The following SLC18B1 variants were observed in gnomAD, a reference collection of about 807,000 sequenced individuals.
The protein encoded by SLC18B1 is solute carrier family 18 member B1.
A neutral mutation model predicts 53.9 loss-of-function variants in SLC18B1; 62 were observed. That is an observed-to-expected ratio of 1.15 (90% CI 0.94 to 1.42). The LOEUF (loss-of-function observed/expected upper bound fraction) is 1.42. Among genes scored for constraint, SLC18B1 ranks in the 40% most tolerant of loss-of-function variants. SLC18B1 has a pLI of 0.00. For missense variants in SLC18B1, 598 were observed against 547.3 expected (o/e 1.09, Z -0.93); for synonymous variants, 217 against 200.9 (o/e 1.08, Z -0.68).
intron 8 of SLC18B1, among the ~76,000 whole-genome samples, 172 bp downstream of exon 8, chr6:132,776,156 G>A (rs2114664015): frequency 6.6e-6 from 1 of 152,214 alleles, no homozygotes; most frequent in Non-Finnish European, 1.5e-5. Flanking sequence ...AAGTGAACTG[G>A]CTTAGTGTGA....
chr6:132,776,349 A>G lies in SLC18B1; in HGVS notation c.876T>C (p.Gly292=). Residue 292 remains glycine (G), a synonymous_variant, in exon 8 of 14, where the codon GGT becomes GGC. Transcript: ENST00000275227. ...GTACTGGCCTTTTATCACTTAGGAG[A>G]CCAAATAGTGGTGAAGAGATGGCAT... The part of the protein sequence containing the change: ...LSYAISSPLF[G]LLSDKRPPLR... 6.2e-7 allele frequency: 1 copy of G among 1,613,436 alleles called. No individual in the cohort carries two copies. Among genetic ancestry groups the G allele is most frequent in the Non-Finnish European group, 8.5e-7 (1 of 1,179,652 alleles).
intron 2 of SLC18B1, among the ~76,000 whole-genome samples, chr6:132,796,535 A>G (rs1291129783): frequency 8.2e-6 from 1 of 122,492 alleles, no homozygotes; most frequent in Non-Finnish European, 1.7e-5. Context: ...TCGAAAGGAA[A>G]AAAAAAAAAA....
At chr6:132,778,566 T>G (rs931771712) in intron 7 of SLC18B1, among the ~76,000 whole-genome samples, 1 of 152,218 alleles carries the variant, frequency 6.6e-6, no homozygotes, top group Non-Finnish European at 1.5e-5. Context: ...TATTGAAACT[T>G]AAGTTTCTGT....
chr6:132,772,225 G>A lies in SLC18B1; in HGVS notation c.1086-19C>T. On this transcript the variant is annotated intron_variant, in intron 10 of 13. Coordinates refer to ENST00000275227, the MANE Select transcript of SLC18B1 (RefSeq NM_052831.3). ...ATTTTCACTGCAAAAAGAGACATGA[G>A]TGTATCCATTATTAAAAGGAAAACC... 2.0e-6 allele frequency: 3 copies of A among 1,483,486 alleles called. No individual in the cohort carries two copies. The highest frequency in any genetic ancestry group is 2.7e-6 in the Non-Finnish European group (3 of 1,111,006). The allele number at this position is 1,483,486 out of a possible 1,614,324, so 91.9% of individuals were successfully genotyped here.
At position 132,798,498 on chromosome 6, in the gene SLC18B1, G is replaced by A. The variant is rs1162479689; in HGVS notation, c.-42C>T. On this transcript the variant is annotated 5_prime_UTR_variant, in exon 1 of 14. Transcript: ENST00000275227. ...CCGGCGCCCCAGCTCCCGGCTTCAA[G>A]CCACGTCCTTGGACTCGACCTCCAA... The A allele has an allele frequency of 6.2e-6, 9 of 1,461,952 alleles. No individual in the cohort carries two copies. Among genetic ancestry groups the A allele is most frequent in the South Asian group, 2.7e-5 (2 of 73,990 alleles). The allele number at this position is 1,461,952 out of a possible 1,614,324, so 90.6% of individuals were successfully genotyped here. A position where few individuals can be genotyped will look rare whatever the true frequency, so the allele number is the denominator to read the frequency against.
At chr6:132,791,948 C>T (rs1781532884) in intron 2 of SLC18B1, among the ~76,000 whole-genome samples, 1 of 151,982 alleles carries the variant, frequency 6.6e-6, no homozygotes, top group African/African-American at 2.4e-5. Flanking sequence ...AATATGCGTG[C>T]CGGGCATGGG....
At chr6:132,788,403 A>G (rs1253415112) in intron 4 of SLC18B1, among the ~76,000 whole-genome samples, 1 of 152,020 alleles carries the variant, frequency 6.6e-6, no homozygotes, top group Non-Finnish European at 1.5e-5. Context: ...TTGTCTTTTC[A>G]GTAGGAGGAA....
intron 5 of SLC18B1, 130 bp downstream of exon 5, chr6:132,787,304 T>G (rs1582867671): frequency 1.2e-6 from 1 of 845,922 alleles, no homozygotes; most frequent in Non-Finnish European, 1.7e-6. Flanking sequence ...AAACTCGGGG[T>G]GAAAGGCAAC....
intron 2 of SLC18B1, among the ~76,000 whole-genome samples, chr6:132,793,094 C>G (rs773728884): frequency 1.3e-5 from 2 of 152,042 alleles, no homozygotes; most frequent in Non-Finnish European, 2.9e-5. Flanking sequence ...GCACTCCAGC[C>G]TGGGCATGAT....
At chr6:132,777,305 C>A (rs1781122903) in intron 7 of SLC18B1, among the ~76,000 whole-genome samples, 1 of 152,130 alleles carries the variant, frequency 6.6e-6, no homozygotes, top group South Asian at 2.1e-4. Context: ...TATACTACCT[C>A]CCATGCCACA....
rs148925342 is a variant in SLC18B1 at position 132,793,594 on chromosome 6, T to C, written c.184-3322A>G. On this transcript the variant is annotated intron_variant, in intron 2 of 13. Transcript: ENST00000275227. The stretch of plus-strand genomic sequence containing the variant: ...AGGATAGAGCACATGGTCCCCCACA[T>C]CTCTTGCCTGAGCTATTACATTCCT... Among the ~76,000 whole-genome samples the C allele has an allele frequency of 2.1e-3, 317 of 152,284 alleles. 2 individuals are homozygous for C. The highest frequency in any genetic ancestry group is 6.8e-3 in the Middle Eastern group (2 of 294).
chr6:132,773,392 T>A (rs1781024948), intron 9 of SLC18B1, among the ~76,000 whole-genome samples: 1 of 152,152 alleles, frequency 6.6e-6, no homozygotes, highest in Non-Finnish European at 1.5e-5. Flanking sequence ...ACAAAATCCC[T>A]TCAAAATTGG....
intron 1 of SLC18B1, among the ~76,000 whole-genome samples, chr6:132,797,627 A>C (rs1178496868): frequency 2.0e-5 from 3 of 151,486 alleles, no homozygotes; most frequent in African/African-American, 7.2e-5. Flanking sequence ...AACAAACAAA[A>C]ACAAAAACAA....
intron 13 of SLC18B1, 71 bp downstream of exon 13, chr6:132,770,819 A>C (rs887126873): frequency 2.9e-5 from 40 of 1,372,994 alleles, no homozygotes; most frequent in Non-Finnish European, 3.9e-5. Context: ...ATAAATGTAA[A>C]ATGTTATTTA....
chr6:132,778,135 A>G (rs535530463), intron 7 of SLC18B1, among the ~76,000 whole-genome samples: 1 of 152,232 alleles, frequency 6.6e-6, no homozygotes, highest in Non-Finnish European at 1.5e-5. Context: ...CATAAGACTC[A>G]TTGTCCAGGG....
At chr6:132,777,504 GA>G (rs1781128628) in intron 7 of SLC18B1, among the ~76,000 whole-genome samples, 1 of 152,176 alleles carries the variant, frequency 6.6e-6, no homozygotes, top group African/African-American at 2.4e-5. Flanking sequence ...ATGAGGTCAG[GA>G]GATCGAGACC....
intron 7 of SLC18B1, among the ~76,000 whole-genome samples, chr6:132,778,726 T>C (rs1457217126): frequency 6.6e-6 from 1 of 152,214 alleles, no homozygotes; most frequent in East Asian, 1.9e-4. Flanking sequence ...TTCAAAAATA[T>C]CTAAGAACAA....
chr6:132,785,473 A>G (rs1181984530), intron 5 of SLC18B1, among the ~76,000 whole-genome samples: 2 of 152,240 alleles, frequency 1.3e-5, no homozygotes, highest in Non-Finnish European at 2.9e-5. Flanking sequence ...TTGCAGCCTT[A>G]TATCCTTAGA....
chr6:132,789,637 A>G, intron 4 of SLC18B1, 127 bp downstream of exon 4: 9 of 689,756 alleles, frequency 1.3e-5, no homozygotes, highest in African/African-American at 1.8e-5. Flanking sequence ...TCCTGCCATT[A>G]GTCACATGCT....
Sources: gnomAD v4.1 joint callset for allele counts (sites outside exome capture counted in the v4.1 genomes callset) on GRCh38, gnomAD v4.1.1 for gene constraint, MANE v1.5 for transcripts, NCBI Gene and HGNC (gene_info 2026-07-23, HGNC 2026-07-21) for gene names.